Variants in NCKAP5 observed in about 807,000 individuals in gnomAD.
NCKAP5 encodes the protein nck-associated protein 5.
NCKAP5 carries 92 observed loss-of-function variants against 167.0 expected under a neutral mutation model. The observed-to-expected ratio is 0.55, with a 90% CI of 0.47 to 0.66. The LOEUF is 0.66. Ranked by LOEUF, NCKAP5 falls within the 30% of genes least tolerant of loss-of-function variation. The pLI is 0.00. For synonymous variants in NCKAP5, 891 were observed against 877.4 expected, an observed-to-expected ratio of 1.02 and a Z score of -0.27; for missense variants, 2,378 against 2,315.0, an observed-to-expected ratio of 1.03 and a Z score of -0.56.
intron 8 of NCKAP5, among the ~76,000 whole-genome samples, chr2:132,938,890 C>T (rs1181023853): frequency 1.3e-5 from 2 of 152,084 alleles, no homozygotes; most frequent in African/African-American, 2.4e-5. Flanking sequence ...TGCCCCAGCC[C>T]CCGCCCATTC....
At chr2:132,741,763 T>C (rs1411595017) in intron 16 of NCKAP5, among the ~76,000 whole-genome samples, 1 of 152,142 alleles carries the variant, frequency 6.6e-6, no homozygotes, top group Admixed American at 6.5e-5. Context: ...GCCATTTTTC[T>C]AATTGAAGAA....
chr2:132,959,584 A>C (rs2076449744), intron 8 of NCKAP5, among the ~76,000 whole-genome samples: 1 of 152,130 alleles, frequency 6.6e-6, no homozygotes, highest in Non-Finnish European at 1.5e-5. Context: ...GCCTGCAGAC[A>C]AACAAATCAT....
chr2:133,625,870 CA>C, the NCKAP5 span, among the ~76,000 whole-genome samples: 1,673 of 88,954 alleles, frequency 0.019, 25 homozygotes, highest in African/African-American at 0.046. Flanking sequence ...AGACTTGTCT[CA>C]AAAAAAAAAA....
intron 8 of NCKAP5, among the ~76,000 whole-genome samples, chr2:132,941,021 A>T (rs905397447): frequency 1.2e-4 from 18 of 152,220 alleles, no homozygotes; most frequent in African/African-American, 4.3e-4. Context: ...ACATAAAGGA[A>T]AAGTAAGAAA....
At chr2:132,902,903 C>T (rs959729075) in intron 8 of NCKAP5, among the ~76,000 whole-genome samples, 1 of 152,186 alleles carries the variant, frequency 6.6e-6, no homozygotes, top group Non-Finnish European at 1.5e-5. Context: ...ATGCCCAGTC[C>T]TGTGTCATGT....
At chr2:133,377,181 A>G (rs1254899623) in intron 3 of NCKAP5, among the ~76,000 whole-genome samples, 1 of 152,194 alleles carries the variant, frequency 6.6e-6, no homozygotes, top group African/African-American at 2.4e-5. Flanking sequence ...ACACCCATAT[A>G]CAGCTATTAT....
At chr2:132,836,778 C>A (rs1310443599) in intron 11 of NCKAP5, among the ~76,000 whole-genome samples, 1 of 152,146 alleles carries the variant, frequency 6.6e-6, no homozygotes, top group African/African-American at 2.4e-5. Context: ...CCCCTAGAGC[C>A]TTGCCTGGGC....
intron 3 of NCKAP5, among the ~76,000 whole-genome samples, chr2:133,359,964 G>C (rs1684988518): frequency 1.3e-5 from 2 of 152,146 alleles, no homozygotes; most frequent in South Asian, 4.1e-4. Flanking sequence ...ATTAGTCAAA[G>C]GCAATTCAGA....
intron 19 of NCKAP5, among the ~76,000 whole-genome samples, chr2:132,725,154 A>G (rs979067757): frequency 2.0e-5 from 3 of 152,188 alleles, no homozygotes; most frequent in Non-Finnish European, 4.4e-5. Context: ...TCTACTGCCA[A>G]TTCTGGCTCA....
At chr2:133,320,894 A>G (rs920064596) in intron 3 of NCKAP5, among the ~76,000 whole-genome samples, 26 of 152,134 alleles carry the variant, frequency 1.7e-4, no homozygotes, top group African/African-American at 6.3e-4. Context: ...CTCTACCACA[A>G]TCACACGTTT....
At chr2:133,289,957 C>T (rs1316803271) in intron 4 of NCKAP5, among the ~76,000 whole-genome samples, 1 of 152,114 alleles carries the variant, frequency 6.6e-6, no homozygotes, top group African/African-American at 2.4e-5. Flanking sequence ...AACTCACGCA[C>T]TATCACGAGA....
At chr2:132,915,007 T>G (rs879838082) in intron 8 of NCKAP5, among the ~76,000 whole-genome samples, 1 of 137,670 alleles carries the variant, frequency 7.3e-6, no homozygotes, top group Non-Finnish European at 1.5e-5. Flanking sequence ...AAAAAAAAAA[T>G]GCCTATTGCA....
chr2:133,517,346 G>T (rs1684086784), intron 3 of NCKAP5, 112 bp downstream of exon 3: 1 of 477,192 alleles, frequency 2.1e-6, no homozygotes, highest in South Asian at 7.0e-5. Context: ...TGTTGCTAAT[G>T]GTGTAACTGG....
intron 3 of NCKAP5, among the ~76,000 whole-genome samples, chr2:133,438,301 T>A (rs1343200198): frequency 6.6e-6 from 1 of 152,232 alleles, no homozygotes; most frequent in Non-Finnish European, 1.5e-5. Context: ...AAATATTTAC[T>A]TTTTTAGCTG....
rs564550133 is a variant in NCKAP5, at chr2:133,062,460, T to C, written c.341+67518A>G. 5.3e-5 allele frequency among the ~76,000 whole-genome samples: 8 copies of C among 152,300 alleles called. 1 individual carries two copies. In the South Asian group the frequency reaches 6.2e-4, roughly 12 times the overall value. On this transcript the variant is annotated intron_variant, in intron 6 of 19. Coordinates refer to ENST00000409261, the MANE Select transcript of NCKAP5 (RefSeq NM_207363.3). Reference sequence around the variant, plus strand: ...TACAAGGACTATGACTGAAGAACCATTGACAAAACACAAAAGCACAGCTTG... The same window carrying C: ...TACAAGGACTATGACTGAAGAACCACTGACAAAACACAAAAGCACAGCTTG...
intron 3 of NCKAP5, among the ~76,000 whole-genome samples, chr2:133,476,072 C>A (rs1679858171): frequency 6.6e-6 from 1 of 152,138 alleles, no homozygotes; most frequent in Non-Finnish European, 1.5e-5. Flanking sequence ...CTTTTTTATT[C>A]CTGAAGTTGT....
At chr2:133,131,062 T>C (rs7598823) in intron 5 of NCKAP5, among the ~76,000 whole-genome samples, 30,750 of 152,164 alleles carry the variant, frequency 0.2, 3,371 homozygotes, top group Non-Finnish European at 0.24. Context: ...CTGTGTACCA[T>C]GCACTATGGA....
At chr2:132,959,364 G>A (rs2076440398) in intron 8 of NCKAP5, among the ~76,000 whole-genome samples, 2 of 152,042 alleles carry the variant, frequency 1.3e-5, no homozygotes, top group Admixed American at 1.3e-4. Flanking sequence ...TTTCAACCTT[G>A]AGGCTATCTA....
chr2:133,531,730 A>T (rs1558760117), intron 2 of NCKAP5, among the ~76,000 whole-genome samples: 2 of 152,228 alleles, frequency 1.3e-5, no homozygotes, highest in South Asian at 2.1e-4. Context: ...AGATTGAGGA[A>T]TTTTTTTATA....
Sources: allele counts gnomAD v4.1 joint callset (sites outside exome capture counted in the v4.1 genomes callset), GRCh38; gene constraint gnomAD v4.1.1; transcripts MANE v1.5; gene names NCBI Gene and HGNC (gene_info 2026-07-23, HGNC 2026-07-21).